Variants in BBS7 observed in about 807,000 individuals in gnomAD.
The protein encoded by BBS7 is BBSome complex member BBS7.
A neutral mutation model predicts 90.3 loss-of-function variants in BBS7; 50 were observed. The observed-to-expected ratio is 0.55, with a 90% CI of 0.44 to 0.70. BBS7 has a LOEUF of 0.70. BBS7 is among the 30% of genes least tolerant of loss of function. BBS7 has a pLI of 0.00. For synonymous variants in BBS7, 235 were observed against 287.4 expected (o/e 0.82, Z 1.85); for missense variants, 729 against 838.9 (o/e 0.87, Z 1.62).
intron 1 of BBS7, among the ~76,000 whole-genome samples, chr4:121,868,415 G>A (rs561876625): frequency 6.6e-6 from 1 of 152,220 alleles, no homozygotes; most frequent in East Asian, 1.9e-4. Context: ...ACATGCAGTG[G>A]CTCATGCCTG....
Position 121,847,429 on chromosome 4 carries a change from T to A in BBS7, c.1012A>T (p.Met338Leu), listed in dbSNP as rs1726067918. ...PGEELKINQEMQNKISSLRNE... is the reference protein window; with the variant it reads ...PGEELKINQELQNKISSLRNE... ...CGTAAGGAAGAAATTTTATTCTGCA[T>A]CTCCTGATTAATTTTTAGTTCTTCT... Residue 338 changes from methionine (M) to leucine (L), a missense_variant, in exon 10 of 19, where the codon ATG (methionine) becomes TTG (leucine). By Grantham distance (15) the Met-to-Leu change is conservative. Coordinates refer to ENST00000264499, the MANE Select transcript of BBS7 (RefSeq NM_176824.3). 3 of 1,613,112 alleles carry A rather than the reference T, an allele frequency of 1.9e-6. No individual in the cohort carries two copies. Among genetic ancestry groups the A allele is most frequent in the South Asian group, 2.2e-5 (2 of 91,050 alleles).
At chr4:121,865,675 T>C (rs1727230413) in intron 2 of BBS7, among the ~76,000 whole-genome samples, 3 of 152,224 alleles carry the variant, frequency 2.0e-5, no homozygotes, top group Admixed American at 1.3e-4. Context: ...CAATAAAACA[T>C]GAGGCTGCAG....
Position 121,825,097 on chromosome 4 carries a change from T to C in BBS7, c.*763A>G, listed in dbSNP as rs2149044851. ...CACTCTTCACTTGAAGCACGCTGAA[T>C]AGCTCCACTGGTTACAGCATGTCTA... On this transcript the variant is annotated 3_prime_UTR_variant, in exon 19 of 19. Transcript: ENST00000264499. 6.6e-6 allele frequency: 1 copy of C among 151,756 alleles called. No homozygotes were observed. The highest frequency in any genetic ancestry group is 2.4e-5 in the African/African-American group (1 of 41,544). The allele number at this position is 151,756 out of a possible 1,614,324, so 9.4% of individuals were successfully genotyped here.
chr4:121,846,777 AC>A (rs2149070142), intron 10 of BBS7, among the ~76,000 whole-genome samples: 1 of 152,302 alleles, frequency 6.6e-6, no homozygotes, highest in East Asian at 1.9e-4. Context: ...TTCAACTACC[AC>A]CAGAAAAAAA....
In BBS7 at chr4:121,867,829, C is replaced by T. The variant is rs559618710; in HGVS notation, c.102+152G>A. On this transcript the variant is annotated intron_variant, in intron 2 of 18. Coordinates refer to ENST00000264499, the MANE Select transcript of BBS7 (RefSeq NM_176824.3). Reference sequence around the variant, plus strand: ...AGAAAATTATTGTCTATAAATGTCCCTTGGTATTCCAGTTTCTGTTCAAAT... The same window carrying T: ...AGAAAATTATTGTCTATAAATGTCCTTTGGTATTCCAGTTTCTGTTCAAAT... 5.1e-5 allele frequency: 36 copies of T among 710,532 alleles called. No individual in the cohort carries two copies. In the African/African-American group the frequency reaches 6.1e-4, roughly 12 times the overall value. 44.0% of individuals were successfully genotyped at this position (710,532 alleles called of 1,614,324 possible). A position where few individuals can be genotyped will look rare whatever the true frequency, so the allele number is the denominator to read the frequency against.
Position 121,833,326 on chromosome 4 carries a change from A to G in BBS7, c.1581T>C (p.Cys527=). Residue 527 remains cysteine (C), a synonymous_variant, in exon 15 of 19, where the codon TGT becomes TGC. Coordinates refer to ENST00000264499, the MANE Select transcript of BBS7 (RefSeq NM_176824.3). ...FAEVHSWVVF[C]LPEVPEKPPA... is the part of the protein sequence containing the mutation. ...GAGGTTTTTCTGGAACTTCAGGCAG[A>G]CAAAAAACCACCCAGGAGTGAACTT... The G allele has an allele frequency of 6.2e-7, 1 of 1,614,060 alleles. No homozygotes were observed. The highest frequency in any genetic ancestry group is 8.5e-7 in the Non-Finnish European group (1 of 1,179,942).
chr4:121,826,909 A>C (rs1278946945), intron 18 of BBS7, among the ~76,000 whole-genome samples: 2 of 152,154 alleles, frequency 1.3e-5, no homozygotes, highest in Non-Finnish European at 2.9e-5. Flanking sequence ...GCTTGAACCC[A>C]GGGGGCAGAG....
intron 18 of BBS7, 120 bp from the exon 19 acceptor site, chr4:121,826,113 T>A (rs1402861361): frequency 3.8e-6 from 3 of 799,392 alleles, no homozygotes; most frequent in Non-Finnish European, 5.8e-6. Context: ...TGATTTAACA[T>A]ACACAAACCT....
chr4:121,824,533 G>A lies in BBS7; in HGVS notation c.*1327C>T, dbSNP rs1373861413. On this transcript the variant is annotated 3_prime_UTR_variant, in exon 19 of 19. Coordinates refer to ENST00000264499, the MANE Select transcript of BBS7 (RefSeq NM_176824.3). The surrounding 1 kb of genome is among the most constrained non-coding windows in gnomAD (Gnocchi z 4.1). Reference sequence around the variant, plus strand: ...ATGAAGATGCAATTAATTTAAGATGGCACCTTGAACTACTGTTGATATATA... The same window carrying A: ...ATGAAGATGCAATTAATTTAAGATGACACCTTGAACTACTGTTGATATATA... 3 of 152,018 alleles carry A rather than the reference G, an allele frequency of 2.0e-5. No individual in the cohort carries two copies. The East Asian group carries it at 5.8e-4, about 29-fold the overall frequency. The allele number at this position is 152,018 out of a possible 1,614,324, so 9.4% of individuals were successfully genotyped here.
chr4:121,851,902 G>A (rs900895926), intron 8 of BBS7, among the ~76,000 whole-genome samples: 3 of 152,206 alleles, frequency 2.0e-5, no homozygotes, highest in Non-Finnish European at 4.4e-5. Context: ...GCCAGACCTG[G>A]CAGAACAGGT....
chr4:121,841,452 G>A (rs990858686), intron 12 of BBS7, among the ~76,000 whole-genome samples: 7 of 152,036 alleles, frequency 4.6e-5, no homozygotes, highest in African/African-American at 7.2e-5. Context: ...ATGGTCCTAC[G>A]TACTCAGGAG....
chr4:121,856,889 C>T (rs984025503), intron 5 of BBS7, among the ~76,000 whole-genome samples: 8 of 151,810 alleles, frequency 5.3e-5, no homozygotes, highest in African/African-American at 1.9e-4. Flanking sequence ...CCTGTCTCAG[C>T]TGCCCGAGTA....
At chr4:121,844,081 C>T in intron 11 of BBS7, 80 bp from the exon 12 acceptor site, 1 of 850,970 alleles carries the variant, frequency 1.2e-6, no homozygotes, top group Non-Finnish European at 1.9e-6. Context: ...TCTAAGAGTT[C>T]TCCTTAGTTC....
chr4:121,864,771 T>C (rs1578572619), intron 2 of BBS7, among the ~76,000 whole-genome samples: 1 of 152,306 alleles, frequency 6.6e-6, no homozygotes, highest in East Asian at 1.9e-4. Flanking sequence ...TATTCATTTA[T>C]TTTTTAATTG....
At chr4:121,829,321 A>G (rs1023238041) in intron 15 of BBS7, among the ~76,000 whole-genome samples, 7 of 147,532 alleles carry the variant, frequency 4.7e-5, no homozygotes, top group Non-Finnish European at 7.4e-5. Context: ...TACAACCTCC[A>G]CTTTCTGGGT....
rs777757840 is a variant in BBS7 at position 121,835,334 on chromosome 4, A to G, written c.1372-51T>C. Reference sequence around the variant, plus strand: ...AAATAAGAATATTTAGCAACAAAACATATCTTTAGAATGTTCAACATAAGT... The same window carrying G: ...AAATAAGAATATTTAGCAACAAAACGTATCTTTAGAATGTTCAACATAAGT... On this transcript the variant is annotated intron_variant, in intron 13 of 18. Coordinates refer to ENST00000264499, the MANE Select transcript of BBS7 (RefSeq NM_176824.3). 5 of 1,598,082 alleles carry G rather than the reference A, an allele frequency of 3.1e-6. No homozygotes were observed. The East Asian group carries it at 9.0e-5, about 29-fold the overall frequency.
Position 121,825,833 on chromosome 4 carries a change from T to C in BBS7, c.*27A>G. 6.2e-7 allele frequency: 1 copy of C among 1,610,268 alleles called. No individual in the cohort carries two copies. The highest frequency in any genetic ancestry group is 2.2e-5 in the East Asian group (1 of 44,682). On this transcript the variant is annotated 3_prime_UTR_variant, in exon 19 of 19. Transcript: ENST00000264499. Reference sequence around the variant, plus strand: ...ACATTTTTCATTTAAACAGACCACTTCTTTGGGACTTTACCTTATTTGTAT... The same window carrying C: ...ACATTTTTCATTTAAACAGACCACTCCTTTGGGACTTTACCTTATTTGTAT...
chr4:121,857,477 T>C (rs1190221128), intron 5 of BBS7, among the ~76,000 whole-genome samples: 1 of 152,160 alleles, frequency 6.6e-6, no homozygotes, highest in Non-Finnish European at 1.5e-5. Flanking sequence ...CACGTAACTA[T>C]ATAAACACAA....
At chr4:121,839,733 C>T (rs764154102) in intron 12 of BBS7, 37 bp from the exon 13 acceptor site, 4 of 1,561,490 alleles carry the variant, frequency 2.6e-6, no homozygotes, top group Admixed American at 1.7e-5. Context: ...AGAATGAATC[C>T]ATGTTTTTAG....
Sources: allele counts gnomAD v4.1 joint callset (sites outside exome capture counted in the v4.1 genomes callset), GRCh38; gene constraint gnomAD v4.1.1; non-coding constraint Gnocchi (gnomAD v3.1); transcripts MANE v1.5; gene names NCBI Gene and HGNC (gene_info 2026-07-23, HGNC 2026-07-21).